STK40: variants seen among roughly 807,000 people sequenced by gnomAD.
The protein encoded by STK40 is serine/threonine-protein kinase 40.
STK40 carries 13 observed loss-of-function variants against 47.9 expected under a neutral mutation model. The ratio of observed to expected loss-of-function variants is 0.27; its 90% confidence interval spans 0.18 to 0.43. STK40 has a LOEUF of 0.43. Ranked by LOEUF, STK40 falls within the 20% of genes least tolerant of loss-of-function variation. STK40 has a pLI of 1.00. For synonymous variants in STK40, 225 were observed against 243.2 expected, an observed-to-expected ratio of 0.93 and a Z score of 0.69; for missense variants, 460 against 595.1, an observed-to-expected ratio of 0.77 and a Z score of 2.36.
At chr1:36,384,450 A>C (rs1304280542) in intron 1 of STK40, among the ~76,000 whole-genome samples, 1 of 152,270 alleles carries the variant, frequency 6.6e-6, no homozygotes, top group Non-Finnish European at 1.5e-5. Flanking sequence ...TTACGTGGCA[A>C]ACATGGTTGT....
intron 4 of STK40, among the ~76,000 whole-genome samples, chr1:36,357,867 G>A (rs999930126): frequency 6.6e-6 from 1 of 152,162 alleles, no homozygotes; most frequent in Non-Finnish European, 1.5e-5. Flanking sequence ...TGCCCACCTC[G>A]GCTTCCCACG....
At position 36,370,963 on chromosome 1, in the gene STK40, G is replaced by A. The variant is rs535261330; in HGVS notation, c.-8-9623C>T. On this transcript the variant is annotated intron_variant, in intron 1 of 10. Transcript: ENST00000373132. ...AAGATGTCGGCTCACTGCAACCTCC[G>A]CCTCCTGGGTTCAAGTGGTTCTCAT... 1.8e-3 allele frequency among the ~76,000 whole-genome samples: 271 copies of A among 149,860 alleles called. 1 individual carries two copies. The highest frequency in any genetic ancestry group is 6.2e-3 in the African/African-American group (251 of 40,632).
At chr1:36,345,557 C>A (rs1453334303) in intron 7 of STK40, among the ~76,000 whole-genome samples, 1 of 152,188 alleles carries the variant, frequency 6.6e-6, no homozygotes, top group African/African-American at 2.4e-5. Context: ...AGAGCAGCTG[C>A]GGTGACTGTG....
rs1213802015 is a variant in STK40, at chr1:36,361,232, G to C, written c.101C>G (p.Pro34Arg). 3 of 1,614,170 alleles carry C rather than the reference G, an allele frequency of 1.9e-6. No individual in the cohort carries two copies. Among genetic ancestry groups the C allele is most frequent in the South Asian group, 1.1e-5 (1 of 91,084 alleles). Reference sequence around the variant, plus strand: ...GGTCAGAGGCTTACCAAGGATGAATGGTCCAGCTCTCTTTGCATTATTTCC... The same window carrying C: ...GGTCAGAGGCTTACCAAGGATGAATCGTCCAGCTCTCTTTGCATTATTTCC... ...ISGNNAKRAG[P>R]FILGPRLGNS... Residue 34 changes from proline (P) to arginine (R), a missense_variant, in exon 2 of 11, where the codon CCA (proline) becomes CGA (arginine). Physicochemically the swap from Pro to Arg is moderately radical, Grantham distance 103 (BLOSUM62 -2). Around this residue, in one of 3 missense-constraint regions of STK40, gnomAD observed 277 missense variants for 358.7 expected, o/e 0.77. Coordinates refer to ENST00000373132, the MANE Select transcript of STK40 (RefSeq NM_001282547.2).
intron 1 of STK40, among the ~76,000 whole-genome samples, chr1:36,380,462 T>C (rs566128702): frequency 1.3e-5 from 2 of 152,292 alleles, no homozygotes; most frequent in Admixed American, 1.3e-4. Context: ...AAGTCCTGGG[T>C]GGCCTCTGGC....
chr1:36,373,477 C>T (rs996660127), intron 1 of STK40, among the ~76,000 whole-genome samples: 3 of 152,188 alleles, frequency 2.0e-5, no homozygotes, highest in African/African-American at 7.2e-5. Context: ...AGGGCTTTTC[C>T]ACTGAGTCTG....
chr1:36,356,720 C>T (rs1035345716), intron 4 of STK40, among the ~76,000 whole-genome samples: 4 of 152,192 alleles, frequency 2.6e-5, no homozygotes, highest in Middle Eastern at 3.4e-3. Flanking sequence ...CTACCTCGCC[C>T]GGCCTCCACA....
At chr1:36,363,442 G>A (rs1304914554) in intron 1 of STK40, among the ~76,000 whole-genome samples, 3 of 152,156 alleles carry the variant, frequency 2.0e-5, no homozygotes, top group Non-Finnish European at 4.4e-5. Flanking sequence ...TAGCTACACA[G>A]GCTCCTTGGT....
At chr1:36,351,748 G>A (rs78094204) in intron 6 of STK40, among the ~76,000 whole-genome samples, 5,079 of 152,292 alleles carry the variant, frequency 0.033, 289 homozygotes, top group African/African-American at 0.12. Flanking sequence ...AGGACCAAGG[G>A]GCCCTGGGGA....
chr1:36,353,207 G>A (rs1646774858), intron 6 of STK40, among the ~76,000 whole-genome samples: 1 of 152,218 alleles, frequency 6.6e-6, no homozygotes, highest in African/African-American at 2.4e-5. Context: ...GCTCAATGCC[G>A]AGTTGAGAGG....
intron 1 of STK40, among the ~76,000 whole-genome samples, chr1:36,366,985 C>T (rs1258242440): frequency 6.6e-6 from 1 of 151,450 alleles, no homozygotes; most frequent in Non-Finnish European, 1.5e-5. Context: ...CAGGCATCTA[C>T]CACCACACCC....
At chr1:36,348,248 G>T (rs966092635) in intron 7 of STK40, among the ~76,000 whole-genome samples, 1 of 152,264 alleles carries the variant, frequency 6.6e-6, no homozygotes, top group African/African-American at 2.4e-5. Flanking sequence ...GGCCTTGCCT[G>T]ATCTGGCCCC....
At chr1:36,348,943 G>T in intron 6 of STK40, 128 bp from the exon 7 acceptor site, 1 of 792,892 alleles carries the variant, frequency 1.3e-6, no homozygotes, top group Non-Finnish European at 2.1e-6. Flanking sequence ...TCTCGTCAGA[G>T]GGTGAAGCAG....
chr1:36,349,304 C>A (rs1289925966), intron 6 of STK40, among the ~76,000 whole-genome samples: 1 of 152,348 alleles, frequency 6.6e-6, no homozygotes, highest in East Asian at 1.9e-4. Context: ...CTCCGAACCA[C>A]GGAATATGTC....
chr1:36,350,800 G>A (rs200324857), intron 6 of STK40, among the ~76,000 whole-genome samples: 3 of 152,348 alleles, frequency 2.0e-5, no homozygotes, highest in East Asian at 3.9e-4. Flanking sequence ...CACTGCTGGT[G>A]GGACTTTCCC....
At chr1:36,363,210 GGAAAATCGCTT>G (rs1214773402) in intron 1 of STK40, among the ~76,000 whole-genome samples, 3 of 152,134 alleles carry the variant, frequency 2.0e-5, no homozygotes, top group African/African-American at 7.2e-5. Context: ...GGCTGAGGCA[GGAAAATCGCTT>G]GAACTGGGGA....
At chr1:36,349,545 G>A (rs942385624) in intron 6 of STK40, among the ~76,000 whole-genome samples, 7 of 152,292 alleles carry the variant, frequency 4.6e-5, no homozygotes, top group Non-Finnish European at 7.4e-5. Flanking sequence ...ATGTGTCCCT[G>A]GGCAGGGCCC....
chr1:36,377,154 A>G (rs1176546836), intron 1 of STK40, among the ~76,000 whole-genome samples: 1 of 152,180 alleles, frequency 6.6e-6, no homozygotes, highest in Non-Finnish European at 1.5e-5. Context: ...ATATTCTCCC[A>G]TATTATTTAA....
intron 2 of STK40, among the ~76,000 whole-genome samples, chr1:36,359,601 G>C (rs1646834438): frequency 6.6e-6 from 1 of 152,216 alleles, no homozygotes; most frequent in South Asian, 2.1e-4. Flanking sequence ...ACAGCACCTT[G>C]CCCAAGCTTT....
Sources: allele counts gnomAD v4.1 joint callset (sites outside exome capture counted in the v4.1 genomes callset), GRCh38; gene constraint gnomAD v4.1.1; regional missense constraint gnomAD v4.1.1; transcripts MANE v1.5; gene names NCBI Gene and HGNC (gene_info 2026-07-23, HGNC 2026-07-21).